Variants in ITSN1 observed in about 807,000 individuals in gnomAD.
ITSN1 encodes intersectin 1.
In ITSN1, 58 loss-of-function variants were observed where a neutral mutation model predicts 239.8. The ratio of observed to expected loss-of-function variants is 0.24; its 90% CI spans 0.20 to 0.30. The LOEUF is 0.30. Ranked by LOEUF, ITSN1 falls within the 10% of genes least tolerant of loss-of-function variation. ITSN1 has a pLI of 1.00. For missense variants in ITSN1, 1,558 were observed against 2,103.3 expected, an observed-to-expected ratio of 0.74 and a Z score of 5.07; for synonymous variants, 780 against 770.8, an observed-to-expected ratio of 1.01 and a Z score of -0.20.
intron 14 of ITSN1, among the ~76,000 whole-genome samples, chr21:33,778,777 A>G (rs1434711973): frequency 7.1e-6 from 1 of 140,740 alleles, no homozygotes; most frequent in Non-Finnish European, 1.5e-5. Context: ...ACGGGGTTTC[A>G]CCGTTTTAGC....
At chr21:33,803,011 G>A (rs2072126792) in intron 20 of ITSN1, among the ~76,000 whole-genome samples, 1 of 152,238 alleles carries the variant, frequency 6.6e-6, no homozygotes, top group South Asian at 2.1e-4. Context: ...ACAATTGGCA[G>A]AGGGTGGGAA....
intron 1 of ITSN1, among the ~76,000 whole-genome samples, chr21:33,659,110 C>T (rs142085745): frequency 2.6e-5 from 4 of 152,298 alleles, no homozygotes; most frequent in East Asian, 1.9e-4. Context: ...AGTTCAGTCA[C>T]GTGGTCAGTG....
chr21:33,881,033 T>C (rs1984814158), intron 34 of ITSN1, among the ~76,000 whole-genome samples: 1 of 151,966 alleles, frequency 6.6e-6, no homozygotes. Flanking sequence ...CCCTTCCTGT[T>C]TGCTGAGCGG....
At chr21:33,713,785 C>T (rs2092483890) in intron 1 of ITSN1, among the ~76,000 whole-genome samples, 1 of 150,938 alleles carries the variant, frequency 6.6e-6, no homozygotes, top group Non-Finnish European at 1.5e-5. Context: ...ATTGGAAAGA[C>T]CTGTGGTTGG....
chr21:33,797,545 C>A lies in ITSN1; in HGVS notation c.2119C>A (p.Arg707=). ...GKQEAQDKLG[R]LFHQHQEPAK... ...ACAGGAAGCACAAGACAAGCTGGGTCGGCTTTTCCATCAACACCAAGAACC... is the reference window on the plus strand; with the variant it reads ...ACAGGAAGCACAAGACAAGCTGGGTAGGCTTTTCCATCAACACCAAGAACC... Residue 707 remains arginine, a synonymous_variant, in exon 18 of 40, where the codon CGG becomes AGG. Transcript: ENST00000381318. The surrounding 1 kb of genome is among the most constrained non-coding windows in gnomAD (Gnocchi z 4.9). The A allele has an allele frequency of 1.2e-6, 2 of 1,614,042 alleles. No homozygotes were observed. Among genetic ancestry groups the A allele is most frequent in the South Asian group, 1.1e-5 (1 of 91,056 alleles).
intron 1 of ITSN1, among the ~76,000 whole-genome samples, chr21:33,697,234 A>ATTTTTTTTTTTTTTTTTTTTTTTTTTTTT (rs11419453): frequency 8.2e-6 from 1 of 121,708 alleles, no homozygotes. Context: ...CACCTGGCTA[A>ATTTTTTTTTTTTTTTTTTTTTTTTTTTTT]TTTTTTTTTT....
At chr21:33,740,303 G>A (rs891884486) in intron 5 of ITSN1, among the ~76,000 whole-genome samples, 3 of 152,170 alleles carry the variant, frequency 2.0e-5, no homozygotes, top group African/African-American at 7.2e-5. Flanking sequence ...GCATGTCTTA[G>A]GGGCAAGCTT....
chr21:33,877,567 C>T (rs1489355952), intron 34 of ITSN1, among the ~76,000 whole-genome samples: 2 of 152,164 alleles, frequency 1.3e-5, no homozygotes, highest in African/African-American at 2.4e-5. Flanking sequence ...TTTTATTGCT[C>T]ATCCCCTCTG....
At chr21:33,704,445 T>G (rs1032288319) in intron 1 of ITSN1, among the ~76,000 whole-genome samples, 1 of 152,216 alleles carries the variant, frequency 6.6e-6, no homozygotes, top group Non-Finnish European at 1.5e-5. Flanking sequence ...AAGTTCGTAT[T>G]CCTAAAAGTA....
rs576344413 is a variant in ITSN1 at position 33,827,166 on chromosome 21, G to A, written c.3229+303G>A. 2.0e-5 allele frequency among the ~76,000 whole-genome samples: 3 copies of A among 152,264 alleles called. No homozygotes were observed. The South Asian group carries it at 6.2e-4, about 32-fold the overall frequency. On this transcript the variant is annotated intron_variant, in intron 26 of 39. Coordinates refer to ENST00000381318, the MANE Select transcript of ITSN1 (RefSeq NM_003024.3). ...TGTAATCCCAGCAGTTTTGGAGACC[G>A]AGGCAGGTGGATCATTTGAGGTCAG...
At chr21:33,751,760 A>G (rs2067570220) in intron 6 of ITSN1, 50 bp from the exon 7 acceptor site, 1 of 1,390,478 alleles carries the variant, frequency 7.2e-7, no homozygotes, top group Non-Finnish European at 1.0e-6. Context: ...AAATTGGGGA[A>G]AGTTTCTTAT....
At chr21:33,810,486 GT>G (rs566347849) in intron 20 of ITSN1, among the ~76,000 whole-genome samples, 13 of 147,482 alleles carry the variant, frequency 8.8e-5, no homozygotes, top group East Asian at 2.0e-4. Flanking sequence ...TAAGGCCATG[GT>G]TTTTTTTTTT....
At chr21:33,875,333 T>G (rs1569331230) in intron 33 of ITSN1, 21 bp from the exon 34 acceptor site, 3 of 1,613,938 alleles carry the variant, frequency 1.9e-6, no homozygotes, top group Non-Finnish European at 1.7e-6. Flanking sequence ...AGGAGGTGGT[T>G]GTTTTTATTC....
In ITSN1 at chr21:33,767,818, G is replaced by T; in HGVS notation, c.1032G>T (p.Lys344Asn). The change falls in exon 11 of 40, where the codon AAG becomes AAT. Residue 344 changes from lysine (K) to asparagine (N), a missense_variant. By Grantham distance (94) the Lys-to-Asn change is moderately conservative. Coordinates refer to ENST00000381318, the MANE Select transcript of ITSN1 (RefSeq NM_003024.3). ...VLEDEQQQLE[K>N]KLPVTFEDKK... ...AAGATGAACAACAACAATTAGAAAA[G>T]AAATTACCTGGTAAGGCAGCCTTTA... 3 of 1,571,336 alleles carry T rather than the reference G, an allele frequency of 1.9e-6. No homozygotes were observed. Among genetic ancestry groups the T allele is most frequent in the Non-Finnish European group, 2.6e-6 (3 of 1,141,986 alleles).
chr21:33,872,506 T>C (rs1051522846), intron 33 of ITSN1, among the ~76,000 whole-genome samples: 4 of 152,182 alleles, frequency 2.6e-5, no homozygotes, highest in African/African-American at 9.6e-5. Context: ...TGTAAAATGG[T>C]AGTATGATCC....
rs1446281926 is a variant in ITSN1, at chr21:33,827,272, C to A, written c.3229+409C>A. Among the ~76,000 whole-genome samples, 5 of 152,116 alleles carry A rather than the reference C, an allele frequency of 3.3e-5. No homozygotes were observed. The East Asian group carries it at 9.6e-4, about 29-fold the overall frequency. On this transcript the variant is annotated intron_variant, in intron 26 of 39. Transcript: ENST00000381318. ...AAAATTAGCCAGGCATAGTGGCATA[C>A]ACCTGTAATCCCAGCTACTCGAGAG...
At chr21:33,682,415 A>G (rs929236806) in intron 1 of ITSN1, among the ~76,000 whole-genome samples, 1 of 151,434 alleles carries the variant, frequency 6.6e-6, no homozygotes, top group Non-Finnish European at 1.5e-5. Flanking sequence ...GGGTTTCTCC[A>G]TGTTGGTCAG....
rs900882628 is a variant in ITSN1 at position 33,818,316 on chromosome 21, C to G, written c.2777C>G (p.Ala926Gly). Residue 926 changes from alanine to glycine, a missense_variant, in exon 23 of 40, where the codon GCC (alanine) becomes GGC (glycine). Transcript: ENST00000381318. The part of the protein sequence containing the change: ...LQAQALYPWR[A>G]KKDNHLNFNK... ...GCTCAAGCCCTATATCCTTGGAGAG[C>G]CAAAAAAGACAACCACTTAAATTTT... 10 of 1,614,004 alleles carry G rather than the reference C, an allele frequency of 6.2e-6. No homozygotes were observed. The highest frequency in any genetic ancestry group is 8.5e-6 in the Non-Finnish European group (10 of 1,179,970).
rs1201319916 is a variant in ITSN1 at position 33,890,895 on chromosome 21, A to AC, written c.*2596dup. 1 of 152,824 alleles carries AC rather than the reference A, an allele frequency of 6.5e-6. No homozygotes were observed. The highest frequency in any genetic ancestry group is 1.5e-5 in the Non-Finnish European group (1 of 68,394). 9.5% of individuals were successfully genotyped at this position (152,824 alleles called of 1,614,324 possible). A position where few individuals can be genotyped will look rare whatever the true frequency, so the allele number is the denominator to read the frequency against. ...TGCAAGCGTTCCTCTGCTCTGAGCC[A>AC]CACTGCTAGCTTCTCCTGCACACTC... On this transcript the variant is annotated 3_prime_UTR_variant, in exon 40 of 40. Coordinates refer to ENST00000381318, the MANE Select transcript of ITSN1 (RefSeq NM_003024.3).
Sources: allele counts gnomAD v4.1 joint callset (sites outside exome capture counted in the v4.1 genomes callset), GRCh38; gene constraint gnomAD v4.1.1; non-coding constraint Gnocchi (gnomAD v3.1); transcripts MANE v1.5; gene names NCBI Gene and HGNC (gene_info 2026-07-23, HGNC 2026-07-21).